PGLYRP1: variants seen among roughly 807,000 people sequenced by gnomAD.
The protein encoded by PGLYRP1 is TNF superfamily, member 3 (LTB)-like (peptidoglycan recognition protein).
Under a neutral mutation model 16.3 loss-of-function variants are expected in PGLYRP1, and 18 were observed. The ratio of observed to expected loss-of-function variants is 1.11; its 90% CI spans 0.77 to 1.64. The LOEUF (loss-of-function observed/expected upper bound fraction) is 1.64, where lower values mean the gene tolerates loss of function less well. Among genes scored for constraint, PGLYRP1 ranks in the 40% most tolerant of loss-of-function variants. The pLI is 0.00. For missense variants in PGLYRP1, 261 were observed against 268.6 expected (o/e 0.97, Z 0.20); for synonymous variants, 89 against 105.7 (o/e 0.84, Z 0.97).
In PGLYRP1 at chr19:46,022,833, C is replaced by T. The variant is rs762261832; in HGVS notation, c.189G>A (p.Ala63=). Residue 63 remains alanine (A), a synonymous_variant, in exon 1 of 3, where the codon GCG becomes GCA. Transcript: ENST00000008938. ...PLRYVVVSHT[A]GSSCNTPASC... is the part of the protein sequence containing the mutation. Reference sequence around the variant, plus strand: ...AGGCGGGGGTGTTGCAGCTGCTGCCCGCCGTGTGCGATACCACCACATAGC... The same window carrying T: ...AGGCGGGGGTGTTGCAGCTGCTGCCTGCCGTGTGCGATACCACCACATAGC... The T allele has an allele frequency of 2.0e-5, 32 of 1,613,438 alleles. No individual in the cohort carries two copies. Among genetic ancestry groups the T allele is most frequent in the Non-Finnish European group, 2.6e-5 (31 of 1,179,766 alleles).
chr19:46,020,345 G>A (rs1568701183), intron 1 of PGLYRP1, among the ~76,000 whole-genome samples: 1 of 152,066 alleles, frequency 6.6e-6, no homozygotes, highest in Non-Finnish European at 1.5e-5. Context: ...CCGACCTCAG[G>A]TGATCTGCCC....
chr19:46,022,863 G>A lies in PGLYRP1; in HGVS notation c.159C>T (p.Pro53=), dbSNP rs1969061035. 1 of 1,613,284 alleles carries A rather than the reference G, an allele frequency of 6.2e-7. No individual in the cohort carries two copies. The highest frequency in any genetic ancestry group is 1.3e-5 in the African/African-American group (1 of 74,934). The change falls in exon 1 of 3, where the codon CCC becomes CCT. Residue 53 remains proline (P), a synonymous_variant. Coordinates refer to ENST00000008938, the MANE Select transcript of PGLYRP1 (RefSeq NM_005091.3). ...ASECAQHLSL[P]LRYVVVSHTA... ...TGTGCGATACCACCACATAGCGTAA[G>A]GGCAGGCTCAGGTGCTGGGCGCACT...
intron 1 of PGLYRP1, among the ~76,000 whole-genome samples, chr19:46,020,344 G>A (rs1412565029): frequency 2.0e-5 from 3 of 152,146 alleles, no homozygotes; most frequent in Middle Eastern, 3.4e-3. Flanking sequence ...CCCGACCTCA[G>A]GTGATCTGCC....
At chr19:46,020,950 T>G (rs1969038219) in intron 1 of PGLYRP1, 1 of 152,672 alleles carries the variant, frequency 6.5e-6, no homozygotes, top group Non-Finnish European at 1.5e-5. Context: ...CCTGCCATAT[T>G]CCCGGAGCCT....
chr19:46,023,007 A>T lies in PGLYRP1; in HGVS notation c.15T>A (p.Ser5=). The change falls in exon 1 of 3, where the codon TCT becomes TCA. Residue 5 remains serine (S), a synonymous_variant. Transcript: ENST00000008938. ...TGGGGAGAGCCCAGGCAAGCAGCAT[A>T]GAGCGGCGGGACATAGTGGCAGGGC... MSRR[S]MLLAWALPSL... is the part of the protein sequence containing the mutation. The T allele has an allele frequency of 4.5e-6, 7 of 1,561,660 alleles. No homozygotes were observed. Among genetic ancestry groups the T allele is most frequent in the Non-Finnish European group, 6.1e-6 (7 of 1,153,186 alleles).
chr19:46,019,248 C>T lies in PGLYRP1; in HGVS notation c.581G>A (p.Arg194His), dbSNP rs779281049. Residue 194 changes from arginine to histidine, a missense_variant, in exon 3 of 3, where the codon CGC (arginine) becomes CAC (histidine). Arg to His is a conservative substitution (Grantham distance 29). Transcript: ENST00000008938. This position sits in a 1 kb window ranked among gnomAD's most constrained non-coding sequence, Gnocchi z 4.8. ...YHLIQNWPHY[R>H]SP is the part of the protein sequence containing the mutation. ...CGGATCAGCAGGGCCTCAGGGGGAG[C>T]GGTAGTGTGGCCAATTCTGGATGAG... The T allele has an allele frequency of 1.4e-5, 23 of 1,613,412 alleles. No individual in the cohort carries two copies. Among genetic ancestry groups the T allele is most frequent in the African/African-American group, 2.7e-5 (2 of 74,814 alleles).
In PGLYRP1 at chr19:46,019,721, T is replaced by C. The variant is rs1389685256; in HGVS notation, c.288-74A>G. On this transcript the variant is annotated intron_variant, in intron 1 of 2. Transcript: ENST00000008938. The surrounding 1 kb of genome is among the most constrained non-coding windows in gnomAD (Gnocchi z 4.8). ...GGAGGACTCCTCCTCCTTCCTCCAC[T>C]CACCCTGCCTCCGTTACTGCCGTGG... is the stretch of plus-strand genomic sequence containing the variant. 2.0e-6 allele frequency: 3 copies of C among 1,488,528 alleles called. No individual in the cohort carries two copies. The highest frequency in any genetic ancestry group is 2.7e-6 in the Non-Finnish European group (3 of 1,103,378). The allele number at this position is 1,488,528 out of a possible 1,614,324, so 92.2% of individuals were successfully genotyped here.
intron 1 of PGLYRP1, among the ~76,000 whole-genome samples, chr19:46,020,600 G>T (rs75029995): frequency 0.019 from 2,914 of 152,192 alleles, 97 homozygotes; most frequent in African/African-American, 0.065. Flanking sequence ...ACCAGATACC[G>T]ACCCTGGAGC....
Position 46,020,787 on chromosome 19 carries a change from C to T in PGLYRP1, c.288-1140G>A, listed in dbSNP as rs188496259. 2.1e-3 allele frequency among the ~76,000 whole-genome samples: 314 copies of T among 152,350 alleles called. 1 individual carries two copies. Among genetic ancestry groups the T allele is most frequent in the Admixed American group, 4.1e-3 (62 of 15,304 alleles). ...CCCGCGCTCACAGTGTCATTAATGA[C>T]GCACAGAATGTCGGAACTTCCGAAT... is the stretch of plus-strand genomic sequence containing the variant. On this transcript the variant is annotated intron_variant, in intron 1 of 2. Coordinates refer to ENST00000008938, the MANE Select transcript of PGLYRP1 (RefSeq NM_005091.3).
In PGLYRP1 at chr19:46,022,820, T is replaced by C. The variant is rs1475299505; in HGVS notation, c.202A>G (p.Asn68Asp). Residue 68 changes from asparagine to aspartate, a missense_variant, in exon 1 of 3, where the codon AAC (asparagine) becomes GAC (aspartate). Asn to Asp is a conservative substitution (Grantham distance 23, BLOSUM62 1). Transcript: ENST00000008938. Reference protein sequence around the residue: ...VVSHTAGSSCNTPASCQQQAR... With the variant: ...VVSHTAGSSCDTPASCQQQAR... Reference sequence around the variant, plus strand: ...TGCTGCTGGCACGAGGCGGGGGTGTTGCAGCTGCTGCCCGCCGTGTGCGAT... The same window carrying C: ...TGCTGCTGGCACGAGGCGGGGGTGTCGCAGCTGCTGCCCGCCGTGTGCGAT... 2 of 1,613,888 alleles carry C rather than the reference T, an allele frequency of 1.2e-6. No individual in the cohort carries two copies. Among genetic ancestry groups the C allele is most frequent in the Non-Finnish European group, 1.7e-6 (2 of 1,179,910 alleles).
Position 46,019,175 on chromosome 19 carries a change from A to G in PGLYRP1, c.*63T>C. 7.0e-7 allele frequency: 1 copy of G among 1,421,366 alleles called. No homozygotes were observed. Among genetic ancestry groups the G allele is most frequent in the Non-Finnish European group, 9.9e-7 (1 of 1,008,266 alleles). The allele number at this position is 1,421,366 out of a possible 1,614,324, so 88.0% of individuals were successfully genotyped here. On this transcript the variant is annotated 3_prime_UTR_variant, in exon 3 of 3. Coordinates refer to ENST00000008938, the MANE Select transcript of PGLYRP1 (RefSeq NM_005091.3). The surrounding 1 kb of genome is among the most constrained non-coding windows in gnomAD (Gnocchi z 4.8). ...ACATTTTGAGCTACATCTTTATTGGAGAAGGAGACAGTGGGGTTTTTGGCC... is the reference window on the plus strand; with the variant it reads ...ACATTTTGAGCTACATCTTTATTGGGGAAGGAGACAGTGGGGTTTTTGGCC...
In PGLYRP1 at chr19:46,022,684, C is replaced by A. The variant is rs781184017; in HGVS notation, c.287+51G>T. On this transcript the variant is annotated intron_variant, in intron 1 of 2. Coordinates refer to ENST00000008938, the MANE Select transcript of PGLYRP1 (RefSeq NM_005091.3). ...GGTCCCGCTGGCGGGCACTTGCACACCTTTGCCTCTGGGATCCCCAGTCCA... is the reference window on the plus strand; with the variant it reads ...GGTCCCGCTGGCGGGCACTTGCACAACTTTGCCTCTGGGATCCCCAGTCCA... 3.1e-6 allele frequency: 5 copies of A among 1,605,856 alleles called. No homozygotes were observed. In the Admixed American group the frequency reaches 5.0e-5, roughly 16 times the overall value.
At chr19:46,021,711 G>T (rs1969046119) in intron 1 of PGLYRP1, among the ~76,000 whole-genome samples, 1 of 152,152 alleles carries the variant, frequency 6.6e-6, no homozygotes, top group Admixed American at 6.5e-5. Context: ...TGCTCTGCGG[G>T]GGGAAGCCTC....
Position 46,019,734 on chromosome 19 carries a change from G to C in PGLYRP1, c.288-87C>G. The C allele has an allele frequency of 7.1e-7, 1 of 1,399,426 alleles. No homozygotes were observed. Among genetic ancestry groups the C allele is most frequent in the Non-Finnish European group, 9.7e-7 (1 of 1,031,218 alleles). The allele number at this position is 1,399,426 out of a possible 1,614,324, so 86.7% of individuals were successfully genotyped here. On this transcript the variant is annotated intron_variant, in intron 1 of 2. Coordinates refer to ENST00000008938, the MANE Select transcript of PGLYRP1 (RefSeq NM_005091.3). The surrounding 1 kb of genome is among the most constrained non-coding windows in gnomAD (Gnocchi z 4.8). ...TCCTTCCTCCACTCACCCTGCCTCC[G>C]TTACTGCCGTGGTGCACACAACTTC...
In PGLYRP1 at chr19:46,022,921, A is replaced by C. The variant is rs34180629; in HGVS notation, c.101T>G (p.Val34Gly). 3.4e-4 allele frequency: 555 copies of C among 1,611,658 alleles called. 3 individuals carry two copies. The African/African-American group carries it at 6.9e-3, about 20-fold the overall frequency. Residue 34 changes from valine (V) to glycine (G), a missense_variant, in exon 1 of 3, where the codon GTG (valine) becomes GGG (glycine). Transcript: ENST00000008938. ...CAGGGCCTTCCACTCGTTCCGGGGC[A>C]CTATGGGGCTGCAGCAGGCCGGGTC... Reference protein sequence around the residue: ...TEDPACCSPIVPRNEWKALAS... With the variant: ...TEDPACCSPIGPRNEWKALAS...
intron 1 of PGLYRP1, among the ~76,000 whole-genome samples, chr19:46,021,618 C>T (rs1969044750): frequency 6.6e-6 from 1 of 152,142 alleles, no homozygotes; most frequent in South Asian, 2.1e-4. Context: ...CTGCTTCAGC[C>T]TGCTTCAGCC....
rs1425656327 is a variant in PGLYRP1 at position 46,019,652 on chromosome 19, A to G, written c.288-5T>C. ...CCGTCTTCTCCAATCAGGAAGCTGCATGGGGAGGTGGGGGGGCTTGATGAG... is the reference window on the plus strand; with the variant it reads ...CCGTCTTCTCCAATCAGGAAGCTGCGTGGGGAGGTGGGGGGGCTTGATGAG... On this transcript the variant is annotated splice_polypyrimidine_tract_variant and splice_region_variant and intron_variant, in intron 1 of 2. Coordinates refer to ENST00000008938, the MANE Select transcript of PGLYRP1 (RefSeq NM_005091.3). This position sits in a 1 kb window ranked among gnomAD's most constrained non-coding sequence, Gnocchi z 4.8. 10 of 1,612,240 alleles carry G rather than the reference A, an allele frequency of 6.2e-6. No individual in the cohort carries two copies. Among genetic ancestry groups the G allele is most frequent in the Admixed American group, 3.3e-5 (2 of 59,902 alleles).
At chr19:46,022,589 A>G in intron 1 of PGLYRP1, 146 bp downstream of exon 1, 1 of 856,316 alleles carries the variant, frequency 1.2e-6, no homozygotes, top group Non-Finnish European at 1.8e-6. Flanking sequence ...CCGAGGAAGA[A>G]ATGACCTTGT....
Position 46,019,881 on chromosome 19 carries a change from C to G in PGLYRP1, c.288-234G>C, listed in dbSNP as rs141058051. Reference sequence around the variant, plus strand: ...CACCTTTTTCCATCCTCACAGCAACCCTGTGAGTCACTATCACCCCCGTTT... The same window carrying G: ...CACCTTTTTCCATCCTCACAGCAACGCTGTGAGTCACTATCACCCCCGTTT... On this transcript the variant is annotated intron_variant, in intron 1 of 2. Transcript: ENST00000008938. The surrounding 1 kb of genome is among the most constrained non-coding windows in gnomAD (Gnocchi z 4.8). Among the ~76,000 whole-genome samples the G allele has an allele frequency of 6.6e-6, 1 of 152,174 alleles. No individual in the cohort carries two copies. Among genetic ancestry groups the G allele is most frequent in the African/African-American group, 2.4e-5 (1 of 41,440 alleles).
Sources: gnomAD v4.1 joint callset for allele counts (sites outside exome capture counted in the v4.1 genomes callset) on GRCh38, gnomAD v4.1.1 for gene constraint, Gnocchi (gnomAD v3.1) non-coding constraint, MANE v1.5 for transcripts, NCBI Gene and HGNC (gene_info 2026-07-23, HGNC 2026-07-21) for gene names.